PHLPP2: variants seen among roughly 807,000 people sequenced by gnomAD.
The protein encoded by PHLPP2 is PH domain leucine-rich repeat-containing protein phosphatase 2.
A neutral mutation model predicts 124.9 loss-of-function variants in PHLPP2; 66 were observed. That is an observed-to-expected ratio of 0.53 (90% CI 0.43 to 0.65). The LOEUF (loss-of-function observed/expected upper bound fraction) is 0.65. Ranked by LOEUF, PHLPP2 falls within the 30% of genes least tolerant of loss-of-function variation. The pLI, the probability that PHLPP2 is intolerant of heterozygous loss-of-function variation, is 0.00. For synonymous variants in PHLPP2, 681 were observed against 624.7 expected, an observed-to-expected ratio of 1.09 and a Z score of -1.34; for missense variants, 1,685 against 1,600.4, an observed-to-expected ratio of 1.05 and a Z score of -0.90.
At chr16:71,685,322 G>A (rs1481546606) in intron 4 of PHLPP2, among the ~76,000 whole-genome samples, 1 of 152,128 alleles carries the variant, frequency 6.6e-6, no homozygotes. Flanking sequence ...GCGAGACTCC[G>A]TCTCAAACAA....
chr16:71,711,397 T>C (rs2045323354), intron 2 of PHLPP2, among the ~76,000 whole-genome samples: 1 of 151,114 alleles, frequency 6.6e-6, no homozygotes. Flanking sequence ...AAACTGAATA[T>C]GATGTGAGCC....
At chr16:71,723,867 T>A in intron 1 of PHLPP2, 1 of 1,171,210 alleles carries the variant, frequency 8.5e-7, no homozygotes, top group Admixed American at 4.7e-5. Flanking sequence ...ACCTCCCCCA[T>A]CGGCGACCCA....
intron 2 of PHLPP2, among the ~76,000 whole-genome samples, chr16:71,713,923 C>CA (rs36116199): frequency 0.37 from 49,673 of 135,726 alleles, 8,982 homozygotes; most frequent in Middle Eastern, 0.43. Flanking sequence ...TTACACTTTT[C>CA]AAAAAAAAAA....
rs755443840 is a variant in PHLPP2, at chr16:71,676,489, G to C, written c.1429C>G (p.Leu477Val). 1.9e-6 allele frequency: 3 copies of C among 1,614,180 alleles called. 1 individual carries two copies. Among genetic ancestry groups the C allele is most frequent in the Non-Finnish European group, 2.5e-6 (3 of 1,179,996 alleles). Residue 477 changes from leucine to valine, a missense_variant, in exon 9 of 19, where the codon CTC becomes GTC. Physicochemically the swap from Leu to Val is conservative, Grantham distance 32. Coordinates refer to ENST00000568954, the MANE Select transcript of PHLPP2 (RefSeq NM_015020.3). ...AGGGTCCGAAGGGAAAAGCCACTGA[G>C]TGTTAGCTCCCTCAGCTGATTCCGC... Reference protein sequence around the residue: ...CGRNQLRELTLSGFSLRTLYA... With the variant: ...CGRNQLRELTVSGFSLRTLYA...
intron 1 of PHLPP2, among the ~76,000 whole-genome samples, chr16:71,718,528 C>T (rs960163689): frequency 6.7e-6 from 1 of 149,998 alleles, no homozygotes; most frequent in Admixed American, 6.7e-5. Flanking sequence ...CACAGTGAGC[C>T]GAGATTGCGC....
At chr16:71,659,288 G>A (rs905968692) in intron 13 of PHLPP2, among the ~76,000 whole-genome samples, 2 of 106,494 alleles carry the variant, frequency 1.9e-5, no homozygotes, top group African/African-American at 7.4e-5. Flanking sequence ...TTTCACTCTT[G>A]TTGCCCAGGC....
At chr16:71,683,331 T>C (rs1304138952) in intron 5 of PHLPP2, among the ~76,000 whole-genome samples, 1 of 152,214 alleles carries the variant, frequency 6.6e-6, no homozygotes, top group Non-Finnish European at 1.5e-5. Flanking sequence ...GCAGAAATTA[T>C]GTTGAAAGAC....
Position 71,644,973 on chromosome 16 carries a change from G to C in PHLPP2, c.*3917C>G. On this transcript the variant is annotated 3_prime_UTR_variant, in exon 19 of 19. Coordinates refer to ENST00000568954, the MANE Select transcript of PHLPP2 (RefSeq NM_015020.3). The stretch of plus-strand genomic sequence containing the variant: ...ATTCCACTTTATTTTATTTATTATT[G>C]TTATTGTTATTTTTACAAACAATAG... 3.5e-6 allele frequency: 1 copy of C among 287,626 alleles called. No individual in the cohort carries two copies. Among genetic ancestry groups the C allele is most frequent in the Non-Finnish European group, 6.9e-6 (1 of 145,626 alleles). The allele number at this position is 287,626 out of a possible 1,614,324, so 17.8% of individuals were successfully genotyped here. A position where few individuals can be genotyped will look rare whatever the true frequency, so the allele number is the denominator to read the frequency against.
In PHLPP2 at chr16:71,648,604, T is replaced by TAA; in HGVS notation, c.*284_*285dup. On this transcript the variant is annotated 3_prime_UTR_variant, in exon 19 of 19. Coordinates refer to ENST00000568954, the MANE Select transcript of PHLPP2 (RefSeq NM_015020.3). ...GGCCAACATGGTGAAACCCCGTCTC[T>TAA]AAAAAAAAAAAATAAAACTTAGCCG... The TAA allele has an allele frequency of 5.7e-5, 17 of 296,348 alleles. No individual in the cohort carries two copies. Among genetic ancestry groups the TAA allele is most frequent in the South Asian group, 1.5e-4 (2 of 13,186 alleles). 18.4% of individuals were successfully genotyped at this position (296,348 alleles called of 1,614,324 possible).
At chr16:71,658,597 A>G in intron 14 of PHLPP2, 56 bp downstream of exon 14, 1 of 1,522,382 alleles carries the variant, frequency 6.6e-7, no homozygotes, top group Admixed American at 1.9e-5. Context: ...AAATAATGTC[A>G]TTCACTCTCC....
intron 8 of PHLPP2, chr16:71,677,206 G>T (rs2044954683): frequency 6.4e-6 from 1 of 157,068 alleles, no homozygotes; most frequent in Admixed American, 6.1e-5. Flanking sequence ...GAAAAAAGAG[G>T]CCATATCTAC....
chr16:71,664,799 G>C (rs1286360813), intron 12 of PHLPP2, among the ~76,000 whole-genome samples: 1 of 152,080 alleles, frequency 6.6e-6, no homozygotes, highest in Non-Finnish European at 1.5e-5. Flanking sequence ...GCATCATTAT[G>C]TATTCAGCCA....
At chr16:71,711,425 A>T (rs2045323497) in intron 2 of PHLPP2, among the ~76,000 whole-genome samples, 1 of 152,210 alleles carries the variant, frequency 6.6e-6, no homozygotes, top group African/African-American at 2.4e-5. Context: ...ATAAATATTT[A>T]AAAGTATGTG....
chr16:71,653,490 TAGGTTCTA>T (rs2044713379), intron 17 of PHLPP2, among the ~76,000 whole-genome samples: 1 of 152,170 alleles, frequency 6.6e-6, no homozygotes, highest in African/African-American at 2.4e-5. Context: ...ACCACTCACT[TAGGTTCTA>T]AGTTCCTCGA....
chr16:71,706,946 A>ATTT (rs66510124), intron 2 of PHLPP2, among the ~76,000 whole-genome samples: 4 of 71,230 alleles, frequency 5.6e-5, no homozygotes, highest in Non-Finnish European at 7.5e-5. Context: ...AAGATACACC[A>ATTT]TTTTTTTTTT....
At chr16:71,651,273 G>C (rs2044694312) in intron 18 of PHLPP2, among the ~76,000 whole-genome samples, 1 of 150,940 alleles carries the variant, frequency 6.6e-6, no homozygotes, top group African/African-American at 2.4e-5. Context: ...GGGAGGTGGA[G>C]ATTGTGGTGA....
intron 3 of PHLPP2, among the ~76,000 whole-genome samples, chr16:71,695,099 A>G (rs536468310): frequency 1.3e-4 from 20 of 152,242 alleles, no homozygotes; most frequent in African/African-American, 4.8e-4. Flanking sequence ...CCATCATTTT[A>G]TCTATCAGAT....
At chr16:71,716,573 A>C (rs950341545) in intron 1 of PHLPP2, among the ~76,000 whole-genome samples, 2 of 152,122 alleles carry the variant, frequency 1.3e-5, no homozygotes, top group Non-Finnish European at 2.9e-5. Flanking sequence ...AGAAATTTCC[A>C]CTGACATTTC....
chr16:71,710,464 G>C (rs1012186969), intron 2 of PHLPP2, among the ~76,000 whole-genome samples: 1 of 152,198 alleles, frequency 6.6e-6, no homozygotes, highest in African/African-American at 2.4e-5. Context: ...CCAGGACCTA[G>C]CCTAGGGAAA....
Sources: allele counts gnomAD v4.1 joint callset (sites outside exome capture counted in the v4.1 genomes callset), GRCh38; gene constraint gnomAD v4.1.1; transcripts MANE v1.5; gene names NCBI Gene and HGNC (gene_info 2026-07-23, HGNC 2026-07-21).